The following CRACDL variants were observed in gnomAD, a reference collection of about 807,000 sequenced individuals.
The protein encoded by CRACDL is CRACD-like protein.
In CRACDL, 26 loss-of-function variants were observed where a neutral mutation model predicts 70.6. The ratio of observed to expected loss-of-function variants is 0.37; its 90% confidence interval spans 0.27 to 0.51. The LOEUF is 0.51. CRACDL is among the 20% of genes least tolerant of loss of function. The pLI, the probability that CRACDL is intolerant of heterozygous loss-of-function variation, is 0.94. For synonymous variants in CRACDL, 618 were observed against 615.2 expected, an observed-to-expected ratio of 1.00 and a Z score of -0.07; for missense variants, 1,283 against 1,376.9, an observed-to-expected ratio of 0.93 and a Z score of 1.08.
chr2:98,811,516 C>CAAA (rs1199306759), intron 7 of CRACDL, among the ~76,000 whole-genome samples: 37 of 49,536 alleles, frequency 7.5e-4, no homozygotes, highest in South Asian at 1.6e-3. Context: ...GACTCTGTCT[C>CAAA]AAAAAAAAAA....
intron 1 of CRACDL, among the ~76,000 whole-genome samples, chr2:98,870,797 G>T (rs1707313383): frequency 6.6e-6 from 1 of 152,206 alleles, no homozygotes; most frequent in African/African-American, 2.4e-5. Context: ...CATGTGACCT[G>T]CCCTCTGTCA....
rs148106071 is a variant in CRACDL at position 98,819,581 on chromosome 2, T to C, written c.2416+2276A>G. 4.5e-3 allele frequency among the ~76,000 whole-genome samples: 684 copies of C among 152,320 alleles called. 5 individuals are homozygous for C. The highest frequency in any genetic ancestry group is 0.016 in the African/African-American group (656 of 41,578). ...GGGCCTTCAGATTGGGAAGGCCACA[T>C]GTGTGGGCTCTTTGGAACTGTGAAT... On this transcript the variant is annotated intron_variant, in intron 7 of 9. Transcript: ENST00000397899.
At chr2:98,845,169 C>T (rs1019706075) in intron 2 of CRACDL, among the ~76,000 whole-genome samples, 1 of 151,384 alleles carries the variant, frequency 6.6e-6, no homozygotes, top group Non-Finnish European at 1.5e-5. Flanking sequence ...CTCCAGGTTG[C>T]CATTTTCCTT....
At chr2:98,865,349 A>C (rs115091632) in intron 1 of CRACDL, among the ~76,000 whole-genome samples, 2,728 of 152,150 alleles carry the variant, frequency 0.018, 87 homozygotes, top group African/African-American at 0.062. Flanking sequence ...CTCCCGCGAC[A>C]TACTATGGGA....
At chr2:98,795,746 T>C (rs1703791139) in intron 9 of CRACDL, among the ~76,000 whole-genome samples, 1 of 152,136 alleles carries the variant, frequency 6.6e-6, no homozygotes, top group African/African-American at 2.4e-5. Flanking sequence ...CCAAAATCTA[T>C]GAATACTCAA....
chr2:98,903,302 GC>G (rs369918204), intron 1 of CRACDL, among the ~76,000 whole-genome samples: 15 of 152,278 alleles, frequency 9.9e-5, no homozygotes, highest in African/African-American at 3.1e-4. Flanking sequence ...CACACCGAGT[GC>G]GTTCACTGCT....
intron 1 of CRACDL, among the ~76,000 whole-genome samples, chr2:98,884,284 C>G (rs1007632926): frequency 3.9e-5 from 6 of 152,226 alleles, no homozygotes; most frequent in African/African-American, 1.4e-4. Flanking sequence ...ACAGCTCACA[C>G]AGCCAGGAGA....
At chr2:98,850,892 C>T (rs1483264757) in intron 1 of CRACDL, among the ~76,000 whole-genome samples, 1 of 152,164 alleles carries the variant, frequency 6.6e-6, no homozygotes, top group Non-Finnish European at 1.5e-5. Flanking sequence ...GTCTCAGCTT[C>T]TATAGAAATA....
At chr2:98,912,357 C>T (rs1708564548) in intron 1 of CRACDL, among the ~76,000 whole-genome samples, 1 of 152,210 alleles carries the variant, frequency 6.6e-6, no homozygotes, top group African/African-American at 2.4e-5. Flanking sequence ...AGCCAGCCGT[C>T]TCTGCTAGAC....
chr2:98,879,594 G>A (rs1339526390), intron 1 of CRACDL, among the ~76,000 whole-genome samples: 2 of 152,144 alleles, frequency 1.3e-5, no homozygotes, highest in Non-Finnish European at 2.9e-5. Flanking sequence ...TGTTGCCTAG[G>A]CTGGAGTGCA....
At chr2:98,821,421 G>T (rs1221440194) in intron 7 of CRACDL, among the ~76,000 whole-genome samples, 1 of 152,208 alleles carries the variant, frequency 6.6e-6, no homozygotes, top group Non-Finnish European at 1.5e-5. Flanking sequence ...GGGCTTATCA[G>T]CAGGCCTTGG....
At chr2:98,827,628 G>A in intron 5 of CRACDL, among the ~76,000 whole-genome samples, 1 of 152,226 alleles carries the variant, frequency 6.6e-6, no homozygotes, top group East Asian at 1.9e-4. Flanking sequence ...AGGGGTCTAG[G>A]ATCCTTCTGG....
At chr2:98,932,802 A>G (rs1709112101) in intron 1 of CRACDL, among the ~76,000 whole-genome samples, 2 of 152,228 alleles carry the variant, frequency 1.3e-5, no homozygotes. Flanking sequence ...CAAAGCCTGG[A>G]AGCTGGAGCC....
At chr2:98,832,825 C>T (rs1705600567) in intron 4 of CRACDL, 37 bp downstream of exon 4, 1 of 1,611,664 alleles carries the variant, frequency 6.2e-7, no homozygotes, top group Non-Finnish European at 8.5e-7. Context: ...GGATATTTGA[C>T]TTGCACACCA....
In CRACDL at chr2:98,823,347, C is replaced by T. The variant is rs1331475863; in HGVS notation, c.926G>A (p.Arg309His). Residue 309 changes from arginine (R) to histidine (H), a missense_variant, in exon 7 of 10, where the codon CGC becomes CAC. This residue lies in a region of CRACDL where 362 missense variants were observed against 495.0 expected (regional missense o/e 0.73). Coordinates refer to ENST00000397899, the MANE Select transcript of CRACDL (RefSeq NM_207362.3). The surrounding 1 kb of genome is among the most constrained non-coding windows in gnomAD (Gnocchi z 4.0). ...CGCGGAGGAGTGCTGCAGGCGGGCG[C>T]GTCTGGCACGGGCCCCTCCGGGTGG... ...LPPPGGARAR[R>H]ARLQHSSALT... is the part of the protein sequence containing the mutation. 6.6e-7 allele frequency: 1 copy of T among 1,507,272 alleles called. No individual in the cohort carries two copies. The highest frequency in any genetic ancestry group is 2.5e-5 in the East Asian group (1 of 40,714). The allele number at this position is 1,507,272 out of a possible 1,614,324, so 93.4% of individuals were successfully genotyped here. A position where few individuals can be genotyped will look rare whatever the true frequency, so the allele number is the denominator to read the frequency against.
Position 98,832,747 on chromosome 2 carries a change from T to G in CRACDL, c.375+115A>C, listed in dbSNP as rs1301256232. ...TTGGTGTGTCCTGGGGGAGCTGTCA[T>G]GTACATGTGATTCTACTTTACAGCA... is the stretch of plus-strand genomic sequence containing the variant. On this transcript the variant is annotated intron_variant, in intron 4 of 9. Transcript: ENST00000397899. 5 of 1,347,740 alleles carry G rather than the reference T, an allele frequency of 3.7e-6. No homozygotes were observed. The South Asian group carries it at 5.9e-5, about 16-fold the overall frequency. 83.5% of individuals were successfully genotyped at this position (1,347,740 alleles called of 1,614,324 possible). A position where few individuals can be genotyped will look rare whatever the true frequency, so the allele number is the denominator to read the frequency against.
intron 7 of CRACDL, among the ~76,000 whole-genome samples, chr2:98,806,858 C>T (rs75485773): frequency 0.03 from 4,510 of 152,278 alleles, 110 homozygotes; most frequent in Non-Finnish European, 0.036. Flanking sequence ...TGGAATTCTA[C>T]AAGAACTGTC....
intron 1 of CRACDL, among the ~76,000 whole-genome samples, chr2:98,874,249 T>A (rs1411702368): frequency 6.6e-6 from 1 of 152,236 alleles, no homozygotes; most frequent in Non-Finnish European, 1.5e-5. Flanking sequence ...TCTCGCTTAA[T>A]ACCCCAAAGT....
chr2:98,832,717 C>T (rs1705595269), intron 4 of CRACDL, 145 bp downstream of exon 4: 1 of 1,132,466 alleles, frequency 8.8e-7, no homozygotes, highest in Non-Finnish European at 1.3e-6. Context: ...CCCACTGCAG[C>T]TCATTTGGTG....
Sources: gnomAD v4.1 joint callset for allele counts (sites outside exome capture counted in the v4.1 genomes callset) on GRCh38, gnomAD v4.1.1 for gene constraint, gnomAD v4.1.1 regional missense constraint, Gnocchi (gnomAD v3.1) non-coding constraint, MANE v1.5 for transcripts, NCBI Gene and HGNC (gene_info 2026-07-23, HGNC 2026-07-21) for gene names.